DOCK3: variants seen among roughly 807,000 people sequenced by gnomAD.
DOCK3 encodes the protein dedicator of cytokinesis protein 3.
DOCK3 carries 60 observed loss-of-function variants against 265.6 expected under a neutral mutation model. That is an observed-to-expected ratio of 0.23 (90% CI 0.18 to 0.28). The LOEUF is 0.28. DOCK3 is among the 10% of genes least tolerant of loss of function. DOCK3 has a pLI of 1.00. For synonymous variants in DOCK3, 881 were observed against 938.0 expected (o/e 0.94, Z 1.11); for missense variants, 1,981 against 2,594.3 (o/e 0.76, Z 5.14).
chr3:51,056,228 G>A lies in DOCK3; in HGVS notation c.316-8220G>A, dbSNP rs144833129. Among the ~76,000 whole-genome samples the A allele has an allele frequency of 1.1e-4, 17 of 152,118 alleles. No individual in the cohort carries two copies. The East Asian group carries it at 3.3e-3, about 29-fold the overall frequency. ...GAAAGTTTAGATTCCTGGGTTTAAA[G>A]GTATTTTATTATTATTATTTTTATT... On this transcript the variant is annotated intron_variant, in intron 5 of 52. Transcript: ENST00000266037.
chr3:50,737,682 TCTG>T (rs1191741903), intron 1 of DOCK3, among the ~76,000 whole-genome samples: 1 of 152,248 alleles, frequency 6.6e-6, no homozygotes, highest in Non-Finnish European at 1.5e-5. Context: ...GATTCTTTGT[TCTG>T]CTGATTGAGT....
intron 5 of DOCK3, among the ~76,000 whole-genome samples, chr3:51,006,755 T>C (rs182123018): frequency 1.3e-5 from 2 of 152,268 alleles, no homozygotes; most frequent in Admixed American, 1.3e-4. Context: ...GTATTTCTCC[T>C]AGTGCTCTCC....
intron 21 of DOCK3, among the ~76,000 whole-genome samples, chr3:51,246,368 G>T (rs2078842858): frequency 1.3e-5 from 2 of 152,000 alleles, no homozygotes; most frequent in Non-Finnish European, 2.9e-5. Flanking sequence ...GAGTAGCTGG[G>T]ACTACAGGCA....
chr3:51,060,277 C>T (rs1400032795), intron 5 of DOCK3, among the ~76,000 whole-genome samples: 3 of 152,060 alleles, frequency 2.0e-5, no homozygotes, highest in African/African-American at 7.2e-5. Context: ...TTATTTAACC[C>T]CCCAGTGCCT....
intron 23 of DOCK3, among the ~76,000 whole-genome samples, chr3:51,263,974 T>C (rs1055371901): frequency 7.2e-5 from 11 of 152,162 alleles, no homozygotes; most frequent in Non-Finnish European, 1.3e-4. Flanking sequence ...AGTGGGAGAC[T>C]TTAACATCCC....
chr3:50,875,266 TTCC>T (rs2047648243), intron 3 of DOCK3, among the ~76,000 whole-genome samples: 1 of 152,188 alleles, frequency 6.6e-6, no homozygotes, highest in South Asian at 2.1e-4. Context: ...GCTTTTAAAA[TTCC>T]AGTTTGGGTA....
In DOCK3 at chr3:50,962,678, G is replaced by T. The variant is rs375216446; in HGVS notation, c.315+28601G>T. On this transcript the variant is annotated intron_variant, in intron 5 of 52. Coordinates refer to ENST00000266037, the MANE Select transcript of DOCK3 (RefSeq NM_004947.5). ...GAGATAATTAGATCCAGTGAGACCT[G>T]TAGCTTAGAGAACATTACTAATGGC... Among the ~76,000 whole-genome samples, 22 of 151,860 alleles carry T rather than the reference G, an allele frequency of 1.4e-4. 1 individual carries two copies. In the South Asian group the frequency reaches 4.0e-3, roughly 28 times the overall value.
At chr3:51,305,725 T>C (rs1317710414) in intron 27 of DOCK3, among the ~76,000 whole-genome samples, 4 of 41,928 alleles carry the variant, frequency 9.5e-5, no homozygotes, top group Non-Finnish European at 1.5e-4. Context: ...TCTGTGTGTG[T>C]GTGTGTGCGC....
intron 27 of DOCK3, among the ~76,000 whole-genome samples, chr3:51,282,381 A>T (rs368160728): frequency 6.6e-6 from 1 of 152,116 alleles, no homozygotes; most frequent in South Asian, 2.1e-4. Flanking sequence ...AGTGGCTGTC[A>T]CCTGTAATCC....
At chr3:51,170,236 A>T (rs1304274502) in intron 12 of DOCK3, among the ~76,000 whole-genome samples, 1 of 152,184 alleles carries the variant, frequency 6.6e-6, no homozygotes, top group Non-Finnish European at 1.5e-5. Context: ...ATCTGACTTT[A>T]CTATCAGGAT....
intron 2 of DOCK3, among the ~76,000 whole-genome samples, chr3:50,803,740 C>T (rs1373974051): frequency 1.3e-4 from 18 of 142,378 alleles, no homozygotes; most frequent in Admixed American, 7.5e-4. Flanking sequence ...GCTGGCCGGG[C>T]GGGGGCTGCC....
chr3:50,764,031 G>C (rs916916775), intron 1 of DOCK3, among the ~76,000 whole-genome samples: 3 of 152,116 alleles, frequency 2.0e-5, no homozygotes, highest in Non-Finnish European at 4.4e-5. Flanking sequence ...GGCTTTCCTC[G>C]TACGACTAGC....
intron 12 of DOCK3, among the ~76,000 whole-genome samples, chr3:51,187,646 G>A (rs886530643): frequency 1.3e-5 from 2 of 152,038 alleles, no homozygotes; most frequent in Admixed American, 6.6e-5. Context: ...GAGGGACCCG[G>A]TGGGAGATGA....
At chr3:50,741,199 G>T (rs1214934053) in intron 1 of DOCK3, among the ~76,000 whole-genome samples, 1 of 151,196 alleles carries the variant, frequency 6.6e-6, no homozygotes, top group African/African-American at 2.4e-5. Flanking sequence ...CACTTACATT[G>T]TTTCCACCTT....
intron 51 of DOCK3, among the ~76,000 whole-genome samples, chr3:51,376,682 A>G (rs1036037646): frequency 6.6e-6 from 1 of 152,216 alleles, no homozygotes; most frequent in African/African-American, 2.4e-5. Context: ...ACAACCTGTC[A>G]TCCCCTATTC....
At chr3:50,896,918 G>A (rs1553694568) in intron 4 of DOCK3, among the ~76,000 whole-genome samples, 6 of 152,168 alleles carry the variant, frequency 3.9e-5, no homozygotes, top group Non-Finnish European at 1.5e-5. Flanking sequence ...AAGTCAGGTA[G>A]TGTGATGCCT....
At chr3:51,192,571 A>G (rs2088010005) in intron 12 of DOCK3, among the ~76,000 whole-genome samples, 1 of 151,998 alleles carries the variant, frequency 6.6e-6, no homozygotes, top group Non-Finnish European at 1.5e-5. Context: ...CCCAGTCTTC[A>G]GCTTGAATCA....
In DOCK3 at chr3:51,350,341, T is replaced by C. The variant is rs370461056; in HGVS notation, c.4056T>C (p.Pro1352=). 5.6e-6 allele frequency: 9 copies of C among 1,611,882 alleles called. No individual in the cohort carries two copies. The highest frequency in any genetic ancestry group is 7.6e-6 in the Non-Finnish European group (9 of 1,179,404). Residue 1352 remains proline (P), a synonymous_variant, in exon 40 of 53, where the codon CCT becomes CCC. Coordinates refer to ENST00000266037, the MANE Select transcript of DOCK3 (RefSeq NM_004947.5). The stretch of plus-strand genomic sequence containing the variant: ...TTATGGAGCAGCAACGCCTGGAGCC[T>C]GAGTTCTTTCGGGTCGGCTTCTATG... ...DNIMEQQRLE[P]EFFRVGFYGR...
intron 4 of DOCK3, among the ~76,000 whole-genome samples, chr3:50,916,846 CA>C (rs397877086): frequency 0.2 from 15,387 of 77,206 alleles, 800 homozygotes; most frequent in Admixed American, 0.22. Context: ...GACTCCGTTT[CA>C]AAAAAAAAAA....
Sources: gnomAD v4.1 joint callset for allele counts (sites outside exome capture counted in the v4.1 genomes callset) on GRCh38, gnomAD v4.1.1 for gene constraint, MANE v1.5 for transcripts, NCBI Gene and HGNC (gene_info 2026-07-23, HGNC 2026-07-21) for gene names.